The following NCALD variants were observed in gnomAD, a reference collection of about 807,000 sequenced individuals.
The protein encoded by NCALD is neurocalcin-delta.
Under a neutral mutation model 18.6 loss-of-function variants are expected in NCALD, and 10 were observed. The observed-to-expected ratio is 0.54, with a 90% CI of 0.33 to 0.91. The LOEUF (loss-of-function observed/expected upper bound fraction) is 0.91, where lower values mean the gene tolerates loss of function less well. Among genes scored for constraint, NCALD ranks in the 40% least tolerant of loss-of-function variants. The probability of loss-of-function intolerance (pLI) is 0.03; values close to 1 mark genes in which losing one functional copy is unlikely to be tolerated. For missense variants in NCALD, 184 were observed against 247.6 expected, an observed-to-expected ratio of 0.74 and a Z score of 1.72; for synonymous variants, 88 against 87.4, an observed-to-expected ratio of 1.01 and a Z score of -0.04.
chr8:101,711,023 G>T (rs1452008032), intron 2 of NCALD, among the ~76,000 whole-genome samples: 1 of 152,120 alleles, frequency 6.6e-6, no homozygotes, highest in Non-Finnish European at 1.5e-5. Flanking sequence ...AGCTTTGGCT[G>T]GCACCTGGCC....
intron 2 of NCALD, among the ~76,000 whole-genome samples, chr8:101,917,829 T>C: frequency 6.6e-6 from 1 of 151,992 alleles, no homozygotes; most frequent in East Asian, 1.9e-4. Context: ...GAAGCAATAA[T>C]TTTTTAAAAA....
intron 2 of NCALD, among the ~76,000 whole-genome samples, chr8:101,951,697 G>A (rs556162859): frequency 6.7e-4 from 102 of 152,274 alleles, no homozygotes; most frequent in Admixed American, 3.3e-3. Context: ...ATAAATAAAT[G>A]GTCTTAAGTC....
chr8:101,910,159 C>T (rs1320970074), intron 3 of NCALD, among the ~76,000 whole-genome samples: 3 of 152,072 alleles, frequency 2.0e-5, no homozygotes, highest in Admixed American at 6.6e-5. Flanking sequence ...CTAGGGACCT[C>T]TGAGATGGGA....
intron 4 of NCALD, among the ~76,000 whole-genome samples, chr8:101,875,884 C>T (rs980024600): frequency 3.3e-5 from 5 of 152,234 alleles, no homozygotes; most frequent in African/African-American, 1.2e-4. Flanking sequence ...CCAAGTGGAA[C>T]ATCTCTCCTC....
At chr8:101,997,616 G>A (rs767439853) in intron 2 of NCALD, among the ~76,000 whole-genome samples, 7 of 152,280 alleles carry the variant, frequency 4.6e-5, no homozygotes, top group African/African-American at 1.2e-4. Context: ...TCGGCATGGC[G>A]TTTTGTTGCT....
intron 2 of NCALD, among the ~76,000 whole-genome samples, chr8:101,716,160 T>TC (rs1268396486): frequency 1.3e-5 from 2 of 152,188 alleles, no homozygotes; most frequent in South Asian, 2.1e-4. Context: ...TAAATTCATG[T>TC]CCTTTGCTGG....
At chr8:101,784,160 T>A (rs1812126748) in intron 1 of NCALD, among the ~76,000 whole-genome samples, 1 of 152,136 alleles carries the variant, frequency 6.6e-6, no homozygotes, top group Non-Finnish European at 1.5e-5. Flanking sequence ...GAAGACCTGA[T>A]GACCGGGCCT....
intron 4 of NCALD, among the ~76,000 whole-genome samples, chr8:101,881,838 G>A (rs886253946): frequency 6.6e-6 from 1 of 152,012 alleles, no homozygotes. Flanking sequence ...TCTTCAATTT[G>A]GATGTGAGAA....
intron 2 of NCALD, among the ~76,000 whole-genome samples, chr8:101,927,448 G>A (rs146011830): frequency 4.6e-5 from 7 of 152,320 alleles, no homozygotes; most frequent in East Asian, 1.9e-4. Context: ...AAGGGTCTGC[G>A]TGTGATGAAG....
intron 1 of NCALD, among the ~76,000 whole-genome samples, chr8:101,743,734 T>A (rs578201715): frequency 6.6e-6 from 1 of 152,300 alleles, no homozygotes; most frequent in South Asian, 2.1e-4. Context: ...TCTTCATGAA[T>A]TTATGAGGAC....
rs538183783 is a variant in NCALD, at chr8:102,053,857, A to G, written c.-209-33568T>C. ...GAAGCTACCCAACTATGCACAAAAA[A>G]TCTTAACTCTTTATTCACATATAAA... is the stretch of plus-strand genomic sequence containing the variant. On this transcript the variant is annotated intron_variant, in intron 1 of 6. Transcript: ENST00000311028. 1.4e-4 allele frequency among the ~76,000 whole-genome samples: 21 copies of G among 152,376 alleles called. No homozygotes were observed. In the South Asian group the frequency reaches 4.3e-3, roughly 32 times the overall value.
At chr8:101,786,727 T>C (rs1044682052) in intron 1 of NCALD, among the ~76,000 whole-genome samples, 3 of 152,208 alleles carry the variant, frequency 2.0e-5, no homozygotes, top group African/African-American at 7.2e-5. Context: ...CTGCAGTCAC[T>C]GGGAGAGATT....
chr8:101,936,019 T>A (rs1236382492), intron 2 of NCALD, among the ~76,000 whole-genome samples: 1 of 152,034 alleles, frequency 6.6e-6, no homozygotes, highest in Admixed American at 6.6e-5. Context: ...CAGGTCCAGA[T>A]GCAGGGAGGT....
intron 2 of NCALD, among the ~76,000 whole-genome samples, chr8:101,999,191 G>C (rs1257498067): frequency 1.3e-5 from 2 of 150,558 alleles, no homozygotes; most frequent in Non-Finnish European, 2.9e-5. Context: ...ACATGAAAAA[G>C]ATACTTGCAC....
chr8:101,980,766 T>TGAAAA (rs1363587136), intron 2 of NCALD, among the ~76,000 whole-genome samples: 23 of 152,290 alleles, frequency 1.5e-4, no homozygotes, highest in African/African-American at 5.5e-4. Context: ...ATAGAGCAGG[T>TGAAAA]TACCCATGAA....
chr8:102,065,010 C>CAAAAAAAAAAAAAAAAAA (rs34548051), intron 1 of NCALD, among the ~76,000 whole-genome samples: 2 of 87,580 alleles, frequency 2.3e-5, no homozygotes, highest in African/African-American at 4.8e-5. Context: ...CTCACTTTGG[C>CAAAAAAAAAAAAAAAAAA]AAAAAAAAAA....
chr8:102,018,275 C>T (rs761044395), intron 2 of NCALD, among the ~76,000 whole-genome samples: 20 of 152,158 alleles, frequency 1.3e-4, no homozygotes, highest in Admixed American at 2.6e-4. Flanking sequence ...AACATATGTC[C>T]ACACAAAGGC....
chr8:101,967,866 CA>C (rs1563941350), intron 2 of NCALD, among the ~76,000 whole-genome samples: 2 of 151,328 alleles, frequency 1.3e-5, no homozygotes, highest in African/African-American at 4.9e-5. Context: ...CACACACACA[CA>C]TGCACTCACC....
intron 1 of NCALD, among the ~76,000 whole-genome samples, chr8:101,787,951 C>T (rs773353924): frequency 3.9e-5 from 6 of 152,196 alleles, no homozygotes; most frequent in Non-Finnish European, 7.3e-5. Context: ...ACTCGCATAA[C>T]TTGTACTAAC....
Sources: gnomAD v4.1 joint callset for allele counts (sites outside exome capture counted in the v4.1 genomes callset) on GRCh38, gnomAD v4.1.1 for gene constraint, MANE v1.5 for transcripts, NCBI Gene and HGNC (gene_info 2026-07-23, HGNC 2026-07-21) for gene names.